The following EFCAB13 variants were observed in gnomAD, a reference collection of about 807,000 sequenced individuals.
The protein encoded by EFCAB13 is EF-hand calcium-binding domain-containing protein 13.
Under a neutral mutation model 110.2 loss-of-function variants are expected in EFCAB13, and 91 were observed. That is an observed-to-expected ratio of 0.83 (90% CI 0.70 to 0.98). The LOEUF is 0.98. EFCAB13 is among the 50% of genes least tolerant of loss of function. The pLI is 0.00. For synonymous variants in EFCAB13, 323 were observed against 369.9 expected (o/e 0.87, Z 1.45); for missense variants, 968 against 1,119.4 (o/e 0.86, Z 1.93).
chr17:47,328,376 T>C lies in EFCAB13; in HGVS notation c.23T>C (p.Phe8Ser), dbSNP rs781447141. METKVHL[F>S]CQAEENIDLL... is the part of the protein sequence containing the mutation. ...AAGATGGAAACTAAAGTACATTTAT[T>C]CTGCCAGGTATTTATTTAAAACAGT... Residue 8 changes from phenylalanine (F) to serine (S), a missense_variant, in exon 4 of 25, where the codon TTC (phenylalanine) becomes TCC (serine). Physicochemically the swap from Phe to Ser is radical, Grantham distance 155. Coordinates refer to ENST00000331493, the MANE Select transcript of EFCAB13 (RefSeq NM_152347.5). 6.3e-7 allele frequency: 1 copy of C among 1,593,564 alleles called. No individual in the cohort carries two copies. Among genetic ancestry groups the C allele is most frequent in the African/African-American group, 1.4e-5 (1 of 74,016 alleles).
intron 15 of EFCAB13, among the ~76,000 whole-genome samples, chr17:47,393,753 T>TAAATAAAA (rs1434698279): frequency 2.7e-4 from 36 of 132,268 alleles, no homozygotes; most frequent in African/African-American, 5.5e-4. Flanking sequence ...AATAAATAAA[T>TAAATAAAA]AAAAATAAAA....
chr17:47,354,846 G>A (rs565928516), intron 9 of EFCAB13, among the ~76,000 whole-genome samples: 1 of 152,250 alleles, frequency 6.6e-6, no homozygotes, highest in South Asian at 2.1e-4. Context: ...TCTTTTAAGT[G>A]GAGCATTTAA....
At chr17:47,425,755 T>C (rs140804767) in intron 23 of EFCAB13, among the ~76,000 whole-genome samples, 1,725 of 152,330 alleles carry the variant, frequency 0.011, 17 homozygotes, top group Non-Finnish European at 0.018. Flanking sequence ...GGCATGCCTG[T>C]TGATTCAATA....
intron 14 of EFCAB13, among the ~76,000 whole-genome samples, chr17:47,385,257 T>C (rs1345427000): frequency 6.6e-6 from 1 of 152,158 alleles, no homozygotes; most frequent in Non-Finnish European, 1.5e-5. Flanking sequence ...GGTTCCATTC[T>C]CCCCTGTCAC....
chr17:47,345,674 C>T (rs573616183), intron 8 of EFCAB13, among the ~76,000 whole-genome samples: 19 of 152,328 alleles, frequency 1.2e-4, no homozygotes, highest in African/African-American at 4.6e-4. Flanking sequence ...ACAAATTACA[C>T]ATTGTCATTA....
chr17:47,433,166 C>T (rs1905151301), intron 24 of EFCAB13, among the ~76,000 whole-genome samples: 1 of 152,056 alleles, frequency 6.6e-6, no homozygotes, highest in African/African-American at 2.4e-5. Context: ...GAGTATTGGT[C>T]AGGTATTTTG....
At chr17:47,350,052 G>A (rs929480117) in intron 9 of EFCAB13, among the ~76,000 whole-genome samples, 1 of 152,042 alleles carries the variant, frequency 6.6e-6, no homozygotes, top group Non-Finnish European at 1.5e-5. Flanking sequence ...GGGATTACAG[G>A]TGTGAGCCAC....
rs572830097 is a variant in EFCAB13 at position 47,364,640 on chromosome 17, T to G, written c.805+3119T>G. ...TATCTTAGTCCAAGTTCACATAACC[T>G]TTCCTCAGGACCATTGCAGTTCATC... On this transcript the variant is annotated intron_variant, in intron 10 of 24. Transcript: ENST00000331493. Among the ~76,000 whole-genome samples the G allele has an allele frequency of 1.8e-3, 270 of 152,316 alleles. 2 individuals are homozygous for G. Among genetic ancestry groups the G allele is most frequent in the South Asian group, 6.6e-3 (32 of 4,830 alleles).
At chr17:47,325,777 C>T (rs1018466479) in intron 2 of EFCAB13, among the ~76,000 whole-genome samples, 4 of 151,424 alleles carry the variant, frequency 2.6e-5, no homozygotes, top group African/African-American at 9.7e-5. Context: ...CCCTATACTA[C>T]ATTTCATATT....
At chr17:47,366,149 G>A (rs768722837) in intron 10 of EFCAB13, among the ~76,000 whole-genome samples, 1 of 152,102 alleles carries the variant, frequency 6.6e-6, no homozygotes, top group Non-Finnish European at 1.5e-5. Flanking sequence ...CTTTATAGAT[G>A]TTTGCAATGA....
rs376417370 is a variant in EFCAB13, at chr17:47,395,816, G to A, written c.1802-18G>A. 9.0e-6 allele frequency: 14 copies of A among 1,562,360 alleles called. No individual in the cohort carries two copies. Among genetic ancestry groups the A allele is most frequent in the African/African-American group, 1.4e-5 (1 of 73,636 alleles). On this transcript the variant is annotated intron_variant, in intron 16 of 24. Coordinates refer to ENST00000331493, the MANE Select transcript of EFCAB13 (RefSeq NM_152347.5). The stretch of plus-strand genomic sequence containing the variant: ...TTGCATAAGCATTCGTAAAACTTGT[G>A]TTTTATCTACCCTTTAGTATTGCCT...
At chr17:47,344,367 C>A in intron 7 of EFCAB13, 75 bp downstream of exon 7, 1 of 1,493,486 alleles carries the variant, frequency 6.7e-7, no homozygotes, top group Non-Finnish European at 9.1e-7. Flanking sequence ...ATCATTTATC[C>A]CTTCCACATA....
Position 47,391,577 on chromosome 17 carries a change from G to A in EFCAB13, c.1723G>A (p.Gly575Ser). The change falls in exon 15 of 25, where the codon GGT (glycine) becomes AGT (serine). Residue 575 changes from glycine to serine, a missense_variant. Gly to Ser is a moderately conservative substitution (Grantham distance 56, BLOSUM62 0). Coordinates refer to ENST00000331493, the MANE Select transcript of EFCAB13 (RefSeq NM_152347.5). Reference protein sequence around the residue: ...FKKITELTEAGETKKVNFKEF... With the variant: ...FKKITELTEASETKKVNFKEF... ...GAAGATCACAGAACTGACTGAAGCT[G>A]GTGGTGAGTGATATATTTTCAGGCA... The A allele has an allele frequency of 1.9e-6, 3 of 1,565,418 alleles. No homozygotes were observed. The highest frequency in any genetic ancestry group is 1.9e-5 in the Admixed American group (1 of 51,430).
chr17:47,432,759 C>T (rs1270940476), intron 24 of EFCAB13, among the ~76,000 whole-genome samples: 4 of 151,836 alleles, frequency 2.6e-5, no homozygotes, highest in Non-Finnish European at 5.9e-5. Flanking sequence ...TTTCATTCTT[C>T]CTGTATCCTT....
At chr17:47,354,600 A>G (rs1319033393) in intron 9 of EFCAB13, among the ~76,000 whole-genome samples, 1 of 152,154 alleles carries the variant, frequency 6.6e-6, no homozygotes, top group African/African-American at 2.4e-5. Flanking sequence ...CTGTTGGACT[A>G]GTCCTATTAT....
At chr17:47,347,748 G>T in intron 8 of EFCAB13, 60 bp from the exon 9 acceptor site, 2 of 1,242,628 alleles carry the variant, frequency 1.6e-6, no homozygotes, top group Non-Finnish European at 2.1e-6. Context: ...GAGAGTGGGG[G>T]GAATAAGGAT....
chr17:47,363,233 G>T (rs1044414091), intron 10 of EFCAB13, among the ~76,000 whole-genome samples: 1 of 152,000 alleles, frequency 6.6e-6, no homozygotes, highest in Admixed American at 6.6e-5. Context: ...ATCATGCCAG[G>T]CTAATTTTTA....
chr17:47,346,585 A>G (rs1197855514), intron 8 of EFCAB13, among the ~76,000 whole-genome samples: 6 of 152,164 alleles, frequency 3.9e-5, no homozygotes, highest in Admixed American at 2.0e-4. Flanking sequence ...ATAAATACCC[A>G]GAAGTGGGAT....
intron 23 of EFCAB13, among the ~76,000 whole-genome samples, chr17:47,425,008 G>C (rs1413787891): frequency 1.4e-5 from 2 of 143,408 alleles, no homozygotes; most frequent in Non-Finnish European, 3.0e-5. Flanking sequence ...TCAGCCTCCC[G>C]AGTAGCTGGG....
Sources: allele counts gnomAD v4.1 joint callset (sites outside exome capture counted in the v4.1 genomes callset), GRCh38; gene constraint gnomAD v4.1.1; transcripts MANE v1.5; gene names NCBI Gene and HGNC (gene_info 2026-07-23, HGNC 2026-07-21).